The following RBMS3 variants were observed in gnomAD, a reference collection of about 807,000 sequenced individuals.
RBMS3 encodes the protein RNA binding motif single stranded interacting protein 3.
A neutral mutation model predicts 66.8 loss-of-function variants in RBMS3; 27 were observed. The ratio of observed to expected loss-of-function variants is 0.40; its 90% CI spans 0.30 to 0.56. The LOEUF (loss-of-function observed/expected upper bound fraction) is 0.56, where lower values mean the gene tolerates loss of function less well. Among genes scored for constraint, RBMS3 ranks in the 20% least tolerant of loss-of-function variants. RBMS3 has a pLI of 0.40. For missense variants in RBMS3, 513 were observed against 549.5 expected, an observed-to-expected ratio of 0.93 and a Z score of 0.66; for synonymous variants, 188 against 183.0, an observed-to-expected ratio of 1.03 and a Z score of -0.22.
intron 12 of RBMS3, among the ~76,000 whole-genome samples, chr3:29,947,734 C>A (rs1418811477): frequency 6.6e-6 from 1 of 151,310 alleles, no homozygotes; most frequent in Non-Finnish European, 1.5e-5. Flanking sequence ...TATGTAAAGG[C>A]ATAGTAAAAT....
intron 3 of RBMS3, among the ~76,000 whole-genome samples, chr3:29,523,634 T>C (rs1012836856): frequency 6.6e-6 from 1 of 152,222 alleles, no homozygotes; most frequent in Non-Finnish European, 1.5e-5. Context: ...CTTAATATTA[T>C]TGAGGCAAGC....
intron 2 of RBMS3, among the ~76,000 whole-genome samples, chr3:29,472,300 C>T (rs538935380): frequency 2.6e-5 from 4 of 151,680 alleles, no homozygotes; most frequent in Middle Eastern, 3.4e-3. Flanking sequence ...CCGGTTCAAG[C>T]GATTCCCGCC....
At chr3:30,003,756 G>T in intron 14 of RBMS3, 100 bp from the exon 15 acceptor site, 1 of 785,210 alleles carries the variant, frequency 1.3e-6, no homozygotes, top group Non-Finnish European at 1.9e-6. Flanking sequence ...TACATTGAAA[G>T]CTTGGTATCT....
chr3:29,962,690 T>C (rs1398722894), intron 12 of RBMS3, among the ~76,000 whole-genome samples: 2 of 151,930 alleles, frequency 1.3e-5, no homozygotes, highest in Non-Finnish European at 2.9e-5. Flanking sequence ...GAGGATTACA[T>C]CTTGCTTGGA....
At chr3:29,346,009 G>A (rs2036549075) in intron 1 of RBMS3, among the ~76,000 whole-genome samples, 1 of 152,180 alleles carries the variant, frequency 6.6e-6, no homozygotes, top group Non-Finnish European at 1.5e-5. Flanking sequence ...TTATTGTTAT[G>A]TTGGTTTTCC....
intron 4 of RBMS3, among the ~76,000 whole-genome samples, chr3:29,601,949 A>G (rs974560832): frequency 2.0e-5 from 3 of 152,008 alleles, no homozygotes; most frequent in African/African-American, 7.2e-5. Context: ...CCACCTTGGG[A>G]ACTCTGATTA....
intron 3 of RBMS3, among the ~76,000 whole-genome samples, chr3:29,508,814 C>A (rs1236584037): frequency 7.1e-6 from 1 of 140,584 alleles, no homozygotes; most frequent in Non-Finnish European, 1.6e-5. Context: ...ACACTCCCAC[C>A]AACAGTGTAA....
At chr3:29,383,678 C>T (rs1482128413) in intron 1 of RBMS3, among the ~76,000 whole-genome samples, 1 of 152,128 alleles carries the variant, frequency 6.6e-6, no homozygotes, top group Non-Finnish European at 1.5e-5. Context: ...CAACTTCATT[C>T]CCTGGCACCT....
chr3:29,620,785 T>C (rs1391078083), intron 4 of RBMS3, among the ~76,000 whole-genome samples: 8 of 152,130 alleles, frequency 5.3e-5, no homozygotes, highest in East Asian at 1.9e-4. Flanking sequence ...TCCCTGGCTA[T>C]TTTGAAATTT....
At chr3:29,998,795 T>A (rs1699423499) in intron 14 of RBMS3, among the ~76,000 whole-genome samples, 4 of 152,112 alleles carry the variant, frequency 2.6e-5, no homozygotes, top group South Asian at 4.1e-4. Context: ...ACTTAAATGT[T>A]AGACCTAAAA....
intron 3 of RBMS3, among the ~76,000 whole-genome samples, chr3:29,585,196 C>A (rs1340188317): frequency 6.6e-6 from 1 of 152,068 alleles, no homozygotes. Flanking sequence ...GGAAGATTGG[C>A]CAACGTGTAA....
chr3:29,383,682 G>A (rs917105487), intron 1 of RBMS3, among the ~76,000 whole-genome samples: 3 of 151,988 alleles, frequency 2.0e-5, no homozygotes, highest in Non-Finnish European at 4.4e-5. Context: ...TTCATTCCCT[G>A]GCACCTCACT....
chr3:29,657,085 G>A (rs2050352142), intron 4 of RBMS3, among the ~76,000 whole-genome samples: 2 of 152,162 alleles, frequency 1.3e-5, no homozygotes, highest in African/African-American at 2.4e-5. Flanking sequence ...CATTTCCTAG[G>A]CTAGAATTCA....
Position 29,583,964 on chromosome 3 carries a change from A to G in RBMS3, c.308-3150A>G, listed in dbSNP as rs561328976. Among the ~76,000 whole-genome samples the G allele has an allele frequency of 2.6e-5, 4 of 152,190 alleles. No homozygotes were observed. In the South Asian group the frequency reaches 8.3e-4, roughly 32 times the overall value. On this transcript the variant is annotated intron_variant, in intron 3 of 14. Transcript: ENST00000383767. ...TAAAGCAAACAAACAGAAACAACTC[A>G]GTTGACCTTAGATCCCCTGCTAGCT...
chr3:29,450,809 A>G (rs943417194), intron 2 of RBMS3, among the ~76,000 whole-genome samples: 3 of 151,984 alleles, frequency 2.0e-5, no homozygotes, highest in Non-Finnish European at 2.9e-5. Context: ...TGTCAAAAAT[A>G]GTGAGGCAGA....
At chr3:29,428,752 A>G (rs2041063862) in intron 1 of RBMS3, among the ~76,000 whole-genome samples, 1 of 152,178 alleles carries the variant, frequency 6.6e-6, no homozygotes, top group Non-Finnish European at 1.5e-5. Context: ...AAGCCAGTTC[A>G]TTTTCCTGTT....
intron 6 of RBMS3, among the ~76,000 whole-genome samples, chr3:29,858,002 G>A (rs528431267): frequency 6.4e-4 from 97 of 151,860 alleles, no homozygotes; most frequent in African/African-American, 2.2e-3. Flanking sequence ...ATATAATTAA[G>A]GTAAACAAAC....
chr3:29,390,183 A>T (rs920633261), intron 1 of RBMS3, among the ~76,000 whole-genome samples: 10 of 152,184 alleles, frequency 6.6e-5, no homozygotes, highest in African/African-American at 2.4e-4. Flanking sequence ...GAGACTTTTT[A>T]AACTCTTTTG....
intron 12 of RBMS3, among the ~76,000 whole-genome samples, chr3:29,983,374 C>T (rs1333522509): frequency 6.6e-6 from 1 of 151,992 alleles, no homozygotes; most frequent in African/African-American, 2.4e-5. Context: ...ATCCAATTTG[C>T]CAGTCTGTGT....
Sources: gnomAD v4.1 joint callset for allele counts (sites outside exome capture counted in the v4.1 genomes callset) on GRCh38, gnomAD v4.1.1 for gene constraint, MANE v1.5 for transcripts, NCBI Gene and HGNC (gene_info 2026-07-23, HGNC 2026-07-21) for gene names.